The following LIPA variants were observed in gnomAD, a reference collection of about 807,000 sequenced individuals.
The protein encoded by LIPA is lysosomal acid lipase/cholesteryl ester hydrolase.
In LIPA, 26 loss-of-function variants were observed where a neutral mutation model predicts 40.6. The ratio of observed to expected loss-of-function variants is 0.64; its 90% CI spans 0.47 to 0.89. The LOEUF (loss-of-function observed/expected upper bound fraction) is 0.89, where lower values mean the gene tolerates loss of function less well. Among genes scored for constraint, LIPA ranks in the 40% least tolerant of loss-of-function variants. The probability of loss-of-function intolerance (pLI) is 0.00; values close to 1 mark genes in which losing one functional copy is unlikely to be tolerated. For missense variants in LIPA, 455 were observed against 479.6 expected (o/e 0.95, Z 0.48); for synonymous variants, 188 against 168.4 (o/e 1.12, Z -0.90).
chr10:89,263,622 C>CA (rs1843221127), intron 1 of LIPA, among the ~76,000 whole-genome samples: 1 of 152,236 alleles, frequency 6.6e-6, no homozygotes, highest in Non-Finnish European at 1.5e-5. Flanking sequence ...GTACTGATAG[C>CA]ATATGGAACT....
In LIPA at chr10:89,352,831, T is replaced by A. The variant is rs186193081; in HGVS notation, c.61+59960A>T. Among the ~76,000 whole-genome samples the A allele has an allele frequency of 9.2e-5, 14 of 151,968 alleles. No homozygotes were observed. In the East Asian group the frequency reaches 2.7e-3, roughly 29 times the overall value. ...AAAAGCTACATACTTCCTTCACAAT[T>A]TGTCCATAAGGAAATTCCTTGTGGG... On this transcript the variant is annotated intron_variant, in intron 2 of 8. Transcript: ENST00000371837.
intron 9 of LIPA, among the ~76,000 whole-genome samples, chr10:89,215,325 C>T (rs575946073): frequency 6.6e-6 from 1 of 152,242 alleles, no homozygotes; most frequent in South Asian, 2.1e-4. Flanking sequence ...ATGTTTAATC[C>T]CCGGCAAGGA....
At position 89,245,665 on chromosome 10, in the gene LIPA, C is replaced by A. The variant is rs202153923; in HGVS notation, c.229+11G>T. The A allele has an allele frequency of 2.2e-6, 3 of 1,356,468 alleles. No individual in the cohort carries two copies. Among genetic ancestry groups the A allele is most frequent in the Admixed American group, 1.7e-5 (1 of 59,706 alleles). 84.0% of individuals were successfully genotyped at this position (1,356,468 alleles called of 1,614,324 possible). ...GAATTCTGGTTTTTACTTTTAAGAG[C>A]CTTCCCATACCTTTGTCAGAATGGT... is the stretch of plus-strand genomic sequence containing the variant. On this transcript the variant is annotated intron_variant, in intron 3 of 9. Coordinates refer to ENST00000336233, the MANE Select transcript of LIPA (RefSeq NM_000235.4).
intron 6 of LIPA, 41 bp from the exon 7 acceptor site, chr10:89,223,871 A>G: frequency 3.1e-6 from 5 of 1,604,628 alleles, no homozygotes; most frequent in Non-Finnish European, 4.3e-6. Context: ...TCAGCATTTC[A>G]CTCTGGTGCA....
intron 4 of LIPA, among the ~76,000 whole-genome samples, chr10:89,227,466 C>T (rs1842784398): frequency 6.6e-6 from 1 of 152,206 alleles, no homozygotes; most frequent in Non-Finnish European, 1.5e-5. Flanking sequence ...TTGTTAAAAG[C>T]TCTCATTCTT....
intron 2 of LIPA, chr10:89,392,468 C>G: frequency 6.0e-6 from 1 of 167,098 alleles, no homozygotes; most frequent in Non-Finnish European, 1.0e-5. Flanking sequence ...AGTTTCATTC[C>G]CCACCCCCCC....
At chr10:89,280,391 G>A (rs1487849300) in intron 1 of LIPA, among the ~76,000 whole-genome samples, 4 of 152,208 alleles carry the variant, frequency 2.6e-5, no homozygotes, top group Non-Finnish European at 4.4e-5. Context: ...TGAGACACTA[G>A]AAGGCAGGGG....
intron 2 of LIPA, among the ~76,000 whole-genome samples, chr10:89,385,926 G>T (rs1844208038): frequency 6.6e-6 from 1 of 152,204 alleles, no homozygotes. Context: ...AGTGTATTTT[G>T]TGTTTTATTT....
intron 7 of LIPA, 23 bp from the exon 8 acceptor site, chr10:89,222,605 TGAA>T: frequency 2.8e-6 from 4 of 1,424,018 alleles, no homozygotes; most frequent in Non-Finnish European, 4.0e-6. Context: ...TACATTGAAA[TGAA>T]GAATGAAAAC....
At chr10:89,321,805 A>T (rs1039757590) in intron 1 of LIPA, among the ~76,000 whole-genome samples, 1 of 152,324 alleles carries the variant, frequency 6.6e-6, no homozygotes, top group South Asian at 2.1e-4. Context: ...AATAGCAAAG[A>T]CTTGGAACCA....
At chr10:89,254,039 G>A (rs1352686013), upstream of LIPA, among the ~76,000 whole-genome samples, 1 of 152,206 alleles carries the variant, frequency 6.6e-6, no homozygotes, top group Non-Finnish European at 1.5e-5. Context: ...GGTGTTGAGT[G>A]TCTGTAGCTT....
chr10:89,295,020 T>G (rs55671050), intron 1 of LIPA, among the ~76,000 whole-genome samples: 18,082 of 106,404 alleles, frequency 0.17, 2,371 homozygotes, highest in East Asian at 0.66. Flanking sequence ...GGAAATGAAA[T>G]GAAAGGAAAG....
At chr10:89,390,065 C>T (rs920316498) in intron 2 of LIPA, among the ~76,000 whole-genome samples, 1 of 145,394 alleles carries the variant, frequency 6.9e-6, no homozygotes, top group Non-Finnish European at 1.5e-5. Flanking sequence ...CGGCTCACCA[C>T]AACCTCCACC....
chr10:89,227,706 T>C (rs1175233583), intron 4 of LIPA, among the ~76,000 whole-genome samples: 1 of 152,172 alleles, frequency 6.6e-6, no homozygotes, highest in Non-Finnish European at 1.5e-5. Context: ...CTGCACCCTC[T>C]CCTTTAAGCC....
intron 2 of LIPA, chr10:89,393,259 C>G: frequency 7.8e-7 from 1 of 1,289,786 alleles, no homozygotes; most frequent in Non-Finnish European, 1.0e-6. Context: ...TTCTGCACTG[C>G]TGGCCTCTTA....
intron 1 of LIPA, among the ~76,000 whole-genome samples, chr10:89,322,077 G>C (rs1376482527): frequency 6.6e-6 from 1 of 152,150 alleles, no homozygotes; most frequent in Non-Finnish European, 1.5e-5. Flanking sequence ...CATGGGGTAG[G>C]GGGAGGGAGG....
chr10:89,347,166 G>A (rs1209851408), upstream of LIPA, among the ~76,000 whole-genome samples: 1 of 152,178 alleles, frequency 6.6e-6, no homozygotes, highest in Non-Finnish European at 1.5e-5. Context: ...AAGTGCATGG[G>A]GCCAAGTCCA....
intron 1 of LIPA, 31 bp downstream of exon 1, chr10:89,251,706 C>G (rs1487397377): frequency 1.3e-5 from 2 of 152,342 alleles, no homozygotes; most frequent in Non-Finnish European, 2.9e-5. Context: ...CGCACCCGCA[C>G]CTGGCAGCGC....
intron 1 of LIPA, among the ~76,000 whole-genome samples, chr10:89,330,794 T>C (rs7897619): frequency 0.25 from 37,949 of 152,082 alleles, 5,060 homozygotes; most frequent in African/African-American, 0.32. Context: ...ATTAGCTCCA[T>C]AAATAAAGGG....
Sources: gnomAD v4.1 joint callset for allele counts (sites outside exome capture counted in the v4.1 genomes callset) on GRCh38, gnomAD v4.1.1 for gene constraint, MANE v1.5 for transcripts, NCBI Gene and HGNC (gene_info 2026-07-23, HGNC 2026-07-21) for gene names.